Variants in DCP1A observed in about 807,000 individuals in gnomAD.
DCP1A encodes the protein mRNA-decapping enzyme 1A.
A neutral mutation model predicts 58.0 loss-of-function variants in DCP1A; 20 were observed. The ratio of observed to expected loss-of-function variants is 0.34; its 90% CI spans 0.24 to 0.50. The LOEUF (loss-of-function observed/expected upper bound fraction) is 0.50, where lower values mean the gene tolerates loss of function less well. Among genes scored for constraint, DCP1A ranks in the 20% least tolerant of loss-of-function variants. The pLI is 0.98. For missense variants in DCP1A, 613 were observed against 712.2 expected, an observed-to-expected ratio of 0.86 and a Z score of 1.59; for synonymous variants, 285 against 275.1, an observed-to-expected ratio of 1.04 and a Z score of -0.36.
intron 3 of DCP1A, among the ~76,000 whole-genome samples, chr3:53,331,559 TC>T (rs782615810): frequency 6.6e-6 from 1 of 152,224 alleles, no homozygotes; most frequent in Non-Finnish European, 1.5e-5. Context: ...GTAGGCTATG[TC>T]ATTTAGGTTT....
intron 3 of DCP1A, among the ~76,000 whole-genome samples, chr3:53,338,804 T>C (rs1318511276): frequency 1.4e-5 from 2 of 144,310 alleles, no homozygotes; most frequent in African/African-American, 2.6e-5. Context: ...GAGCTTGCAG[T>C]GAGCCAAGAT....
chr3:53,308,002 A>C (rs1707525834), intron 5 of DCP1A, among the ~76,000 whole-genome samples: 1 of 152,198 alleles, frequency 6.6e-6, no homozygotes, highest in Admixed American at 6.6e-5. Context: ...ACTGTCAATA[A>C]AAAAGATAGT....
At chr3:53,326,126 T>G (rs998152940) in intron 3 of DCP1A, among the ~76,000 whole-genome samples, 1 of 152,212 alleles carries the variant, frequency 6.6e-6, no homozygotes, top group African/African-American at 2.4e-5. Context: ...ATTTAAAAAT[T>G]TGGTGCCTCT....
At chr3:53,294,223 G>A (rs1204151207) in intron 6 of DCP1A, among the ~76,000 whole-genome samples, 1 of 152,186 alleles carries the variant, frequency 6.6e-6, no homozygotes, top group Non-Finnish European at 1.5e-5. Context: ...ATTTTAGAAC[G>A]TGCACTTGGT....
chr3:53,305,195 C>G (rs1259987377), intron 5 of DCP1A, among the ~76,000 whole-genome samples: 2 of 152,164 alleles, frequency 1.3e-5, no homozygotes, highest in African/African-American at 4.8e-5. Context: ...TAATAGTTCA[C>G]TCCTTTTTAT....
intron 3 of DCP1A, among the ~76,000 whole-genome samples, chr3:53,320,330 C>T (rs935217343): frequency 6.6e-6 from 1 of 151,990 alleles, no homozygotes; most frequent in Middle Eastern, 3.4e-3. Flanking sequence ...GATAAATGAA[C>T]TTTATTAAAG....
chr3:53,344,849 C>T, intron 2 of DCP1A, 53 bp downstream of exon 2: 1 of 1,342,318 alleles, frequency 7.4e-7, no homozygotes, highest in Non-Finnish European at 1.1e-6. Flanking sequence ...AACCGTTTCA[C>T]ATTGTTCACC....
At chr3:53,292,001 G>C in intron 7 of DCP1A, 68 bp downstream of exon 7, 2 of 1,485,268 alleles carry the variant, frequency 1.3e-6, no homozygotes, top group Non-Finnish European at 1.8e-6. Flanking sequence ...TAAAACCAAG[G>C]TCTCTGTAGT....
intron 6 of DCP1A, 63 bp downstream of exon 6, chr3:53,304,114 G>T: frequency 7.9e-7 from 1 of 1,270,266 alleles, no homozygotes. Context: ...GCACTCATTA[G>T]AATCCTTACT....
chr3:53,318,043 C>T (rs552102101), intron 4 of DCP1A, among the ~76,000 whole-genome samples: 129 of 152,328 alleles, frequency 8.5e-4, no homozygotes, highest in African/African-American at 3.1e-3. Flanking sequence ...GTGGCTCACG[C>T]CTATAATCCC....
At chr3:53,330,381 G>A (rs2088965694) in intron 3 of DCP1A, among the ~76,000 whole-genome samples, 1 of 151,982 alleles carries the variant, frequency 6.6e-6, no homozygotes, top group Non-Finnish European at 1.5e-5. Context: ...AAAATTTGCA[G>A]AGACCCTATC....
intron 1 of DCP1A, among the ~76,000 whole-genome samples, chr3:53,346,675 A>G (rs967455844): frequency 6.6e-6 from 1 of 152,192 alleles, no homozygotes; most frequent in Admixed American, 6.5e-5. Context: ...CGAAAGCCAG[A>G]AAGTACTGAG....
chr3:53,312,377 A>G lies in DCP1A; in HGVS notation c.374T>C (p.Val125Ala), dbSNP rs782331318. The change falls in exon 5 of 10, where the codon GTG becomes GCG. Residue 125 changes from valine (V) to alanine (A), a missense_variant and splice_region_variant. Around this residue, in one of 3 missense-constraint regions of DCP1A, gnomAD observed 498 missense variants for 556.7 expected, o/e 0.89. Coordinates refer to ENST00000610213, the MANE Select transcript of DCP1A (RefSeq NM_018403.7). ...GGATCGCCGTGTCTCCTCTTCTACCACACTAGAGGAGAAGAACAAGGTTTT... is the reference window on the plus strand; with the variant it reads ...GGATCGCCGTGTCTCCTCTTCTACCGCACTAGAGGAGAAGAACAAGGTTTT... ...CHRIAKLMAD[V>A]VEEETRRSQQ... is the part of the protein sequence containing the mutation. 29 of 1,585,118 alleles carry G rather than the reference A, an allele frequency of 1.8e-5. No individual in the cohort carries two copies. The East Asian group carries it at 5.6e-4, about 31-fold the overall frequency.
chr3:53,327,704 T>C (rs1396718403), intron 3 of DCP1A, among the ~76,000 whole-genome samples: 2 of 151,160 alleles, frequency 1.3e-5, no homozygotes, highest in Non-Finnish European at 2.9e-5. Context: ...GGCAGAAGAA[T>C]TGCTTGAGCC....
chr3:53,300,207 G>A (rs1553687264), intron 6 of DCP1A, among the ~76,000 whole-genome samples: 1 of 152,076 alleles, frequency 6.6e-6, no homozygotes, highest in Non-Finnish European at 1.5e-5. Flanking sequence ...GAAAAATGAC[G>A]GAATAACACA....
At position 53,347,532 on chromosome 3, in the gene DCP1A, C is replaced by T. The variant is rs1207982393; in HGVS notation, c.-15G>A. On this transcript the variant is annotated 5_prime_UTR_variant, in exon 1 of 10. Transcript: ENST00000610213. The stretch of plus-strand genomic sequence containing the variant: ...AGCGCCTCCATCTTGAATCCCAGAG[C>T]CTAGCCCCTCTGGTGGGGGCGGAGT... 1.2e-6 allele frequency: 2 copies of T among 1,601,234 alleles called. No homozygotes were observed. Among genetic ancestry groups the T allele is most frequent in the East Asian group, 2.3e-5 (1 of 44,350 alleles).
At position 53,327,827 on chromosome 3, in the gene DCP1A, A is replaced by G. The variant is rs150893194; in HGVS notation, c.305-8354T>C. Among the ~76,000 whole-genome samples, 895 of 149,854 alleles carry G rather than the reference A, an allele frequency of 6.0e-3. 15 individuals are homozygous for G. Among genetic ancestry groups the G allele is most frequent in the African/African-American group, 0.021 (841 of 40,714 alleles). ...ACAAAACAACAACAAAAAAACAACA[A>G]CAACAAAAACAAAGGCCGGGCGTGG... On this transcript the variant is annotated intron_variant, in intron 3 of 9. Transcript: ENST00000610213.
At chr3:53,329,137 G>A (rs1306687624) in intron 3 of DCP1A, 13 of 386,844 alleles carry the variant, frequency 3.4e-5, no homozygotes, top group African/African-American at 2.1e-4. Flanking sequence ...CTTGCGCTGT[G>A]CTTTAAAAGT....
intron 3 of DCP1A, among the ~76,000 whole-genome samples, chr3:53,340,485 C>T (rs2089186676): frequency 6.6e-6 from 1 of 152,050 alleles, no homozygotes; most frequent in African/African-American, 2.4e-5. Context: ...TTAAAATAGG[C>T]CTTGTTACTT....
Sources: allele counts gnomAD v4.1 joint callset (sites outside exome capture counted in the v4.1 genomes callset), GRCh38; gene constraint gnomAD v4.1.1; regional missense constraint gnomAD v4.1.1; transcripts MANE v1.5; gene names NCBI Gene and HGNC (gene_info 2026-07-23, HGNC 2026-07-21).